GK: variants seen among roughly 807,000 people sequenced by gnomAD.
GK encodes glycerol kinase, also known as ATP:glycerol 3-phosphotransferase.
GK carries 9 observed loss-of-function variants against 56.4 expected under a neutral mutation model. That is an observed-to-expected ratio of 0.16 (90% CI 0.10 to 0.28). The LOEUF (loss-of-function observed/expected upper bound fraction) is 0.28, where lower values mean the gene tolerates loss of function less well. GK is among the 10% of genes least tolerant of loss of function. The pLI, the probability that GK is intolerant of heterozygous loss-of-function variation, is 1.00. For synonymous variants in GK, 104 were observed against 144.1 expected (o/e 0.72, Z 1.99); for missense variants, 161 against 431.4 (o/e 0.37, Z 5.55).
intron 11 of GK, among the ~76,000 whole-genome samples, chrX:30,705,014 G>A (rs1172549522): frequency 8.9e-6 from 1 of 112,510 alleles, no homozygotes; most frequent in African/African-American, 3.2e-5. Flanking sequence ...GTGAGAGAAG[G>A]ACATAGTTTG....
At chrX:30,690,384 C>T (rs1280135044) in intron 4 of GK, among the ~76,000 whole-genome samples, 1 of 112,177 alleles carries the variant, frequency 8.9e-6, no homozygotes, top group Non-Finnish European at 1.9e-5. Flanking sequence ...ACTTTATGTA[C>T]TATTTAGTGT....
intron 19 of GK, among the ~76,000 whole-genome samples, chrX:30,726,631 T>G (rs1937150128): frequency 8.9e-6 from 1 of 111,791 alleles, no homozygotes; most frequent in African/African-American, 3.2e-5. Flanking sequence ...CTCTAATATT[T>G]AATATTTTGG....
intron 11 of GK, among the ~76,000 whole-genome samples, chrX:30,704,149 T>TATATATATATATA (rs1429695034): frequency 1.7e-4 from 16 of 96,678 alleles, no homozygotes; most frequent in African/African-American, 3.9e-4. Flanking sequence ...TATATATATA[T>TATATATATATATA]GAGATAGGGT....
At chrX:30,665,113 C>G (rs998182851) in intron 1 of GK, among the ~76,000 whole-genome samples, 1 of 111,929 alleles carries the variant, frequency 8.9e-6, no homozygotes, top group African/African-American at 3.2e-5. Flanking sequence ...TCTGTTTCCA[C>G]GTCCAAGATA....
chrX:30,724,678 G>A lies in GK; in HGVS notation c.1582+497G>A, dbSNP rs369106572. ...GAAATATACCAAACATAGTAAATTC[G>A]AACTCTTATAAATAGATTGGGAAGT... On this transcript the variant is annotated intron_variant, in intron 19 of 20. Transcript: ENST00000427190. 8.0e-4 allele frequency: 237 copies of A among 295,726 alleles called. 1 individual carries two copies. Among genetic ancestry groups the A allele is most frequent in the South Asian group, 7.3e-3 (229 of 31,251 alleles). The allele number at this position is 295,726 out of a possible 1,213,427, so 24.4% of individuals were successfully genotyped here.
chrX:30,707,390 T>C (rs1936073637), intron 11 of GK, among the ~76,000 whole-genome samples, 166 bp from the exon 12 acceptor site: 1 of 111,582 alleles, frequency 9.0e-6, no homozygotes, highest in South Asian at 3.7e-4. Flanking sequence ...TCTAAAACAT[T>C]ATTCCAGGAA....
In GK at chrX:30,677,432, A is replaced by G; in HGVS notation, c.317A>G (p.Glu106Gly). ...GTAGTCTGGGACAAGATAACTGGAG[A>G]GCCTCTCTACAATGCTGTGGGTAAG... Reference protein sequence around the residue: ...TTVVWDKITGEPLYNAVVWLD... With the variant: ...TTVVWDKITGGPLYNAVVWLD... The change falls in exon 4 of 21, where the codon GAG (glutamate) becomes GGG (glycine). Residue 106 changes from glutamate to glycine, a missense_variant. Transcript: ENST00000427190. The G allele has an allele frequency of 8.8e-7, 1 of 1,135,139 alleles. No individual in the cohort carries two copies. Among genetic ancestry groups the G allele is most frequent in the Non-Finnish European group, 1.2e-6 (1 of 825,511 alleles). The allele number at this position is 1,135,139 out of a possible 1,213,427, so 93.5% of individuals were successfully genotyped here.
chrX:30,667,070 C>A (rs924571699), intron 2 of GK, among the ~76,000 whole-genome samples: 4 of 110,942 alleles, frequency 3.6e-5, no homozygotes, highest in Non-Finnish European at 7.5e-5. Flanking sequence ...AGGAGAATGG[C>A]GTGAACCCGA....
intron 18 of GK, chrX:30,722,039 G>A (rs1032663553): frequency 3.6e-5 from 4 of 111,140 alleles, no homozygotes; most frequent in African/African-American, 1.3e-4. Context: ...TTCGAGTCCA[G>A]CCTAGGCAAC....
chrX:30,720,508 T>C, intron 16 of GK, 113 bp from the exon 17 acceptor site: 1 of 714,591 alleles, frequency 1.4e-6, no homozygotes, highest in Non-Finnish European at 2.2e-6. Context: ...GAAGTCTCAA[T>C]TTATTCCATA....
intron 13 of GK, among the ~76,000 whole-genome samples, chrX:30,715,859 CTA>C (rs1936590807): frequency 8.9e-6 from 1 of 111,801 alleles, no homozygotes; most frequent in African/African-American, 3.2e-5. Context: ...TATATTGAAT[CTA>C]GTTTTTCAAT....
At chrX:30,679,357 A>C (rs1209613344) in intron 4 of GK, among the ~76,000 whole-genome samples, 1 of 109,454 alleles carries the variant, frequency 9.1e-6, no homozygotes, top group Admixed American at 9.8e-5. Flanking sequence ...AGCTGGGATT[A>C]TAGGTGTGCA....
chrX:30,707,016 T>C (rs963772351), intron 11 of GK, among the ~76,000 whole-genome samples: 1 of 112,019 alleles, frequency 8.9e-6, no homozygotes, highest in Non-Finnish European at 1.9e-5. Context: ...CACTAAATAC[T>C]ATATCTGCAT....
At chrX:30,685,119 ATTTTTTTTCTTT>A (rs1040459747) in intron 4 of GK, among the ~76,000 whole-genome samples, 28 of 109,997 alleles carry the variant, frequency 2.5e-4, no homozygotes, top group South Asian at 1.5e-3. Context: ...ACAATAAAGT[ATTTTTTTTCTTT>A]TTTTTTTTCT....
At chrX:30,665,476 G>A (rs1933010191) in intron 1 of GK, 35 bp from the exon 2 acceptor site, 1 of 828,118 alleles carries the variant, frequency 1.2e-6, no homozygotes, top group Non-Finnish European at 1.8e-6. Context: ...ATATCTGCCT[G>A]CATTTTTACA....
intron 13 of GK, among the ~76,000 whole-genome samples, chrX:30,710,860 G>T (rs1197171512): frequency 1.8e-5 from 2 of 110,989 alleles, no homozygotes; most frequent in African/African-American, 6.5e-5. Flanking sequence ...TTCTAAGAGT[G>T]TATGTCATTT....
chrX:30,689,682 T>C, intron 4 of GK: 2 of 290,474 alleles, frequency 6.9e-6, no homozygotes, highest in Non-Finnish European at 1.4e-5. Context: ...TTTGACCACA[T>C]GTTTCCTGAT....
chrX:30,662,746 TTTCCTTCC>T (rs63056165), intron 1 of GK, among the ~76,000 whole-genome samples: 7 of 97,735 alleles, frequency 7.2e-5, no homozygotes, highest in African/African-American at 2.0e-4. Flanking sequence ...TCCTTCTTTC[TTTCCTTCC>T]TTCCTTCCTT....
Position 30,716,449 on chromosome X carries a change from C to CA in GK, c.976-2080dup, listed in dbSNP as rs199935412. Reference sequence around the variant, plus strand: ...TATATACCAGATTTCAAAGATAGTACAAAAAAAAATCTCAATAATTTAATA... The same window carrying CA: ...TATATACCAGATTTCAAAGATAGTACAAAAAAAAAATCTCAATAATTTAATA... On this transcript the variant is annotated intron_variant, in intron 13 of 20. Transcript: ENST00000427190. Among the ~76,000 whole-genome samples, 714 of 108,799 alleles carry CA rather than the reference C, an allele frequency of 6.6e-3. 5 individuals are homozygous for CA. The highest frequency in any genetic ancestry group is 0.022 in the African/African-American group (669 of 29,993). The allele number at this position is 108,799 out of a possible 115,157, so 94.5% of individuals were successfully genotyped here.
Sources: gnomAD v4.1 joint callset for allele counts (sites outside exome capture counted in the v4.1 genomes callset) on GRCh38, gnomAD v4.1.1 for gene constraint, MANE v1.5 for transcripts, NCBI Gene and HGNC (gene_info 2026-07-23, HGNC 2026-07-21) for gene names.